DIS3L2: variants seen among roughly 807,000 people sequenced by gnomAD.
The protein encoded by DIS3L2 is DIS3-like exonuclease 2.
Under a neutral mutation model 97.5 loss-of-function variants are expected in DIS3L2, and 34 were observed. The observed-to-expected ratio is 0.35, with a 90% CI of 0.27 to 0.46. The LOEUF is 0.46. Among genes scored for constraint, DIS3L2 ranks in the 20% least tolerant of loss-of-function variants. DIS3L2 has a pLI of 1.00. For synonymous variants in DIS3L2, 435 were observed against 445.2 expected, an observed-to-expected ratio of 0.98 and a Z score of 0.29; for missense variants, 1,038 against 1,146.0, an observed-to-expected ratio of 0.91 and a Z score of 1.36.
chr2:232,014,380 T>G (rs1694294406), intron 1 of DIS3L2, among the ~76,000 whole-genome samples: 1 of 152,232 alleles, frequency 6.6e-6, no homozygotes, highest in Non-Finnish European at 1.5e-5. Flanking sequence ...TTCTAAGGAA[T>G]TGACTTACTT....
intron 1 of DIS3L2, among the ~76,000 whole-genome samples, chr2:231,972,529 CTG>C (rs1692950469): frequency 6.6e-6 from 1 of 152,108 alleles, no homozygotes. Flanking sequence ...GAATGCATGA[CTG>C]TATTAAAAGT....
chr2:231,964,911 A>G (rs1692669983), intron 1 of DIS3L2, among the ~76,000 whole-genome samples: 1 of 152,234 alleles, frequency 6.6e-6, no homozygotes, highest in Non-Finnish European at 1.5e-5. Flanking sequence ...TAAAGTACAG[A>G]TATAATTTGT....
intron 7 of DIS3L2, among the ~76,000 whole-genome samples, chr2:232,132,554 C>G (rs1698250476): frequency 6.6e-6 from 1 of 152,186 alleles, no homozygotes; most frequent in Admixed American, 6.5e-5. Flanking sequence ...ACAACCCCCA[C>G]CAACAACAGC....
At chr2:232,066,958 CTG>C (rs1021936246) in intron 5 of DIS3L2, among the ~76,000 whole-genome samples, 2 of 151,992 alleles carry the variant, frequency 1.3e-5, no homozygotes, top group African/African-American at 2.4e-5. Context: ...CTTTTAATGT[CTG>C]TAAGATTTTT....
chr2:232,267,940 G>A (rs1489455934), intron 13 of DIS3L2, among the ~76,000 whole-genome samples: 1 of 134,080 alleles, frequency 7.5e-6, no homozygotes, highest in Non-Finnish European at 1.6e-5. Flanking sequence ...AAAGTGTCTT[G>A]GGAATATTGA....
At chr2:231,992,819 A>C (rs992420249) in intron 1 of DIS3L2, among the ~76,000 whole-genome samples, 1 of 152,080 alleles carries the variant, frequency 6.6e-6, no homozygotes, top group East Asian at 1.9e-4. Flanking sequence ...TTTTCTTGAC[A>C]TCACACTCTT....
chr2:232,210,449 G>A (rs1404235593), intron 10 of DIS3L2, 44 bp downstream of exon 10: 5 of 1,552,460 alleles, frequency 3.2e-6, no homozygotes, highest in Non-Finnish European at 2.7e-6. Flanking sequence ...CAGGCAGTCT[G>A]CATGCCTGTG....
rs1326428013 is a variant in DIS3L2 at position 232,281,260 on chromosome 2, G to C, written c.1659+17820G>C. On this transcript the variant is annotated intron_variant, in intron 13 of 20. Coordinates refer to ENST00000325385, the MANE Select transcript of DIS3L2 (RefSeq NM_152383.5). The surrounding 1 kb of genome is among the most constrained non-coding windows in gnomAD (Gnocchi z 4.1). ...TAAAAATACAAAAAATTAGCCGGGC[G>C]TGGTGGCGGGCGCCTGTGGTCCCAG... 2.0e-5 allele frequency among the ~76,000 whole-genome samples: 3 copies of C among 152,156 alleles called. No individual in the cohort carries two copies. Among genetic ancestry groups the C allele is most frequent in the Admixed American group, 1.3e-4 (2 of 15,270 alleles).
At chr2:232,189,051 G>A (rs1226621851) in intron 9 of DIS3L2, among the ~76,000 whole-genome samples, 1 of 152,122 alleles carries the variant, frequency 6.6e-6, no homozygotes, top group Non-Finnish European at 1.5e-5. Flanking sequence ...GTAAAATAAT[G>A]AAAAGGCCAA....
At chr2:232,199,375 G>T (rs1691834555) in intron 9 of DIS3L2, among the ~76,000 whole-genome samples, 1 of 152,194 alleles carries the variant, frequency 6.6e-6, no homozygotes, top group African/African-American at 2.4e-5. Flanking sequence ...TTTCAGTTCA[G>T]TGTGTAAAGG....
intron 14 of DIS3L2, 28 bp from the exon 15 acceptor site, chr2:232,329,785 T>TGCCGGGGGCGCC: frequency 4.1e-6 from 4 of 967,144 alleles, no homozygotes; most frequent in Non-Finnish European, 5.8e-6. Flanking sequence ...ACCCCAGCGG[T>TGCCGGGGGCGCC]CCCTCCCATC....
chr2:232,287,016 C>G (rs1694452591), intron 13 of DIS3L2, among the ~76,000 whole-genome samples: 1 of 152,076 alleles, frequency 6.6e-6, no homozygotes, highest in African/African-American at 2.4e-5. Flanking sequence ...AGGTGTTTCC[C>G]TGGCAGAAAG....
At chr2:232,060,323 G>A (rs969171723) in intron 5 of DIS3L2, among the ~76,000 whole-genome samples, 1 of 152,060 alleles carries the variant, frequency 6.6e-6, no homozygotes, top group African/African-American at 2.4e-5. Flanking sequence ...CCAATGTCTT[G>A]GAGAGTTTCT....
At chr2:232,310,903 C>T (rs1006188416) in intron 14 of DIS3L2, among the ~76,000 whole-genome samples, 1 of 152,242 alleles carries the variant, frequency 6.6e-6, no homozygotes, top group Non-Finnish European at 1.5e-5. Context: ...CAGTCTCCTC[C>T]ACATGGAATC....
At position 232,014,867 on chromosome 2, in the gene DIS3L2, T is replaced by G; in HGVS notation, c.-61T>G. Reference sequence around the variant, plus strand: ...CAACAGAGCTGCTCAAGGCGGGAACTCTGAGCTAAGCAGTGGAGGTTTCTC... The same window carrying G: ...CAACAGAGCTGCTCAAGGCGGGAACGCTGAGCTAAGCAGTGGAGGTTTCTC... On this transcript the variant is annotated 5_prime_UTR_variant, in exon 2 of 21. Coordinates refer to ENST00000325385, the MANE Select transcript of DIS3L2 (RefSeq NM_152383.5). The G allele has an allele frequency of 5.1e-6, 8 of 1,579,478 alleles. No individual in the cohort carries two copies. Among genetic ancestry groups the G allele is most frequent in the Non-Finnish European group, 3.5e-6 (4 of 1,152,596 alleles).
chr2:232,078,719 A>G (rs1559603448), intron 5 of DIS3L2, among the ~76,000 whole-genome samples: 2 of 152,252 alleles, frequency 1.3e-5, no homozygotes, highest in Non-Finnish European at 2.9e-5. Context: ...AATGTGTAGT[A>G]TACAGTTAGT....
intron 3 of DIS3L2, among the ~76,000 whole-genome samples, chr2:232,021,908 A>T (rs1447114611): frequency 6.6e-6 from 1 of 152,154 alleles, no homozygotes; most frequent in Non-Finnish European, 1.5e-5. Context: ...GTTTCAATTA[A>T]GGCGAAGAAT....
chr2:232,326,752 G>A (rs1695588697), intron 14 of DIS3L2, among the ~76,000 whole-genome samples: 1 of 148,162 alleles, frequency 6.7e-6, no homozygotes, highest in Non-Finnish European at 1.5e-5. Flanking sequence ...AGCCCCAGGA[G>A]GGAGGGAGAG....
At chr2:232,090,222 A>C (rs1364518536) in intron 6 of DIS3L2, among the ~76,000 whole-genome samples, 2 of 152,146 alleles carry the variant, frequency 1.3e-5, no homozygotes, top group Admixed American at 1.3e-4. Context: ...GGTGTGAGCC[A>C]TTGTGCCTGG....
Sources: gnomAD v4.1 joint callset for allele counts (sites outside exome capture counted in the v4.1 genomes callset) on GRCh38, gnomAD v4.1.1 for gene constraint, Gnocchi (gnomAD v3.1) non-coding constraint, MANE v1.5 for transcripts, NCBI Gene and HGNC (gene_info 2026-07-23, HGNC 2026-07-21) for gene names.